PELI2: variants seen among roughly 807,000 people sequenced by gnomAD.
PELI2 encodes the protein E3 ubiquitin-protein ligase pellino homolog 2.
PELI2 carries 23 observed loss-of-function variants against 42.3 expected under a neutral mutation model. The observed-to-expected ratio is 0.54, with a 90% confidence interval of 0.39 to 0.77. The LOEUF is 0.77. PELI2 is among the 30% of genes least tolerant of loss of function. The pLI, the probability that PELI2 is intolerant of heterozygous loss-of-function variation, is 0.00. For missense variants in PELI2, 463 were observed against 553.2 expected, an observed-to-expected ratio of 0.84 and a Z score of 1.64; for synonymous variants, 245 against 212.2, an observed-to-expected ratio of 1.15 and a Z score of -1.34.
At chr14:56,226,855 A>G (rs1315397479) in intron 2 of PELI2, among the ~76,000 whole-genome samples, 1 of 152,230 alleles carries the variant, frequency 6.6e-6, no homozygotes, top group African/African-American at 2.4e-5. Flanking sequence ...AGCACTTTAA[A>G]AACTCATGTT....
rs966090074 is a variant in PELI2 at position 56,251,350 on chromosome 14, A to G, written c.208-28326A>G. ...GTAGCACTTTGAACTTAAAAAGCCA[A>G]GCTTATTTTCTTATTTTATTTTATC... On this transcript the variant is annotated intron_variant, in intron 2 of 5. Transcript: ENST00000267460. Among the ~76,000 whole-genome samples the G allele has an allele frequency of 5.3e-5, 8 of 152,174 alleles. No individual in the cohort carries two copies. In the East Asian group the frequency reaches 9.6e-4, roughly 18 times the overall value.
At position 56,264,386 on chromosome 14, in the gene PELI2, C is replaced by T. The variant is rs532846911; in HGVS notation, c.208-15290C>T. On this transcript the variant is annotated intron_variant, in intron 2 of 5. Coordinates refer to ENST00000267460, the MANE Select transcript of PELI2 (RefSeq NM_021255.3). ...TGTTCAGTTAATGTGCTCTTGACTGCGAGTTCAGTGTTAATGAATTAACAA... is the reference window on the plus strand; with the variant it reads ...TGTTCAGTTAATGTGCTCTTGACTGTGAGTTCAGTGTTAATGAATTAACAA... Among the ~76,000 whole-genome samples the T allele has an allele frequency of 7.9e-5, 12 of 152,120 alleles. No individual in the cohort carries two copies. The South Asian group carries it at 1.0e-3, about 13-fold the overall frequency.
chr14:56,227,554 G>A (rs1438679074), intron 2 of PELI2, among the ~76,000 whole-genome samples: 1 of 152,222 alleles, frequency 6.6e-6, no homozygotes, highest in Admixed American at 6.5e-5. Context: ...TTCAGTACGT[G>A]CAGACATAGA....
At chr14:56,227,197 C>T (rs904723953) in intron 2 of PELI2, among the ~76,000 whole-genome samples, 2 of 152,096 alleles carry the variant, frequency 1.3e-5, no homozygotes, top group African/African-American at 2.4e-5. Flanking sequence ...GTGTGGGGAG[C>T]GGGGCACTGG....
At chr14:56,205,159 C>T (rs1456445818) in intron 2 of PELI2, among the ~76,000 whole-genome samples, 1 of 152,022 alleles carries the variant, frequency 6.6e-6, no homozygotes, top group East Asian at 1.9e-4. Flanking sequence ...TCATGGGGAC[C>T]CTGTGGGGTG....
chr14:56,297,366 T>G lies in PELI2; in HGVS notation c.*200T>G, dbSNP rs945620156. The G allele has an allele frequency of 3.8e-6, 2 of 529,192 alleles. No individual in the cohort carries two copies. Among genetic ancestry groups the G allele is most frequent in the South Asian group, 6.6e-5 (2 of 30,202 alleles). The allele number at this position is 529,192 out of a possible 1,614,324, so 32.8% of individuals were successfully genotyped here. A position where few individuals can be genotyped will look rare whatever the true frequency, so the allele number is the denominator to read the frequency against. On this transcript the variant is annotated 3_prime_UTR_variant, in exon 6 of 6. Transcript: ENST00000267460. The stretch of plus-strand genomic sequence containing the variant: ...GTGTTGCATGCTCAAAACAGCAGCG[T>G]CGTCATTGAAGTCTGCTTGATTAAA...
intron 2 of PELI2, among the ~76,000 whole-genome samples, chr14:56,194,619 A>G (rs2139694353): frequency 6.6e-6 from 1 of 152,294 alleles, no homozygotes; most frequent in South Asian, 2.1e-4. Flanking sequence ...GGTAATGTGG[A>G]ACCCTCTCTC....
chr14:56,255,716 G>A lies in PELI2; in HGVS notation c.208-23960G>A, dbSNP rs551921805. On this transcript the variant is annotated intron_variant, in intron 2 of 5. Transcript: ENST00000267460. ...ATGGAGGAGATAGTGTTTGATGTAC[G>A]TAGGGCCCACAGATTGGTGTGATCA... 1.1e-4 allele frequency among the ~76,000 whole-genome samples: 17 copies of A among 152,284 alleles called. No homozygotes were observed. In the South Asian group the frequency reaches 1.5e-3, roughly 13 times the overall value.
chr14:56,177,449 A>AT lies in PELI2; in HGVS notation c.78-878dup, dbSNP rs984771197. ...TAAATGTTCCTTGTTTTAGTTTTTT[A>AT]TTTTTTTTCTTGAAAAGAACTTCCG... On this transcript the variant is annotated intron_variant, in intron 1 of 5. Coordinates refer to ENST00000267460, the MANE Select transcript of PELI2 (RefSeq NM_021255.3). Among the ~76,000 whole-genome samples, 5 of 151,968 alleles carry AT rather than the reference A, an allele frequency of 3.3e-5. No individual in the cohort carries two copies. In the South Asian group the frequency reaches 6.2e-4, roughly 19 times the overall value.
chr14:56,159,150 TG>T (rs771491313), intron 1 of PELI2, among the ~76,000 whole-genome samples: 27 of 152,246 alleles, frequency 1.8e-4, no homozygotes, highest in Non-Finnish European at 3.8e-4. Context: ...TGCCATATGA[TG>T]CTGTGTAACA....
At chr14:56,293,408 G>A (rs1889898016) in intron 5 of PELI2, among the ~76,000 whole-genome samples, 3 of 152,210 alleles carry the variant, frequency 2.0e-5, no homozygotes. Flanking sequence ...TCACCACTTA[G>A]TTCTGTGGTA....
At chr14:56,210,429 TG>T (rs1299421778) in intron 2 of PELI2, among the ~76,000 whole-genome samples, 1 of 152,086 alleles carries the variant, frequency 6.6e-6, no homozygotes, top group Admixed American at 6.5e-5. Flanking sequence ...AGAATGATTT[TG>T]GTTTTTTTTT....
At chr14:56,272,941 A>T (rs1455825961) in intron 2 of PELI2, among the ~76,000 whole-genome samples, 1 of 152,204 alleles carries the variant, frequency 6.6e-6, no homozygotes, top group African/African-American at 2.4e-5. Flanking sequence ...AAGATTTTTT[A>T]AAAAGTGCTC....
chr14:56,233,209 C>T (rs866601346), intron 2 of PELI2, among the ~76,000 whole-genome samples: 2 of 152,286 alleles, frequency 1.3e-5, no homozygotes, highest in South Asian at 2.1e-4. Flanking sequence ...ATGCCATCCC[C>T]ATCAAGCTAG....
intron 1 of PELI2, among the ~76,000 whole-genome samples, chr14:56,126,231 G>GA (rs1307528982): frequency 6.6e-6 from 1 of 152,202 alleles, no homozygotes; most frequent in Non-Finnish European, 1.5e-5. Context: ...CAGTGGCGTT[G>GA]AAAGGCTGTG....
chr14:56,188,437 C>T (rs923801496), intron 2 of PELI2, among the ~76,000 whole-genome samples: 37 of 152,154 alleles, frequency 2.4e-4, no homozygotes, highest in Non-Finnish European at 1.2e-4. Flanking sequence ...ATATTGCTTT[C>T]TATCCTTTTT....
At chr14:56,228,607 G>A (rs889026145) in intron 2 of PELI2, among the ~76,000 whole-genome samples, 14 of 152,138 alleles carry the variant, frequency 9.2e-5, no homozygotes, top group South Asian at 4.1e-4. Flanking sequence ...CTTAATTTGC[G>A]TTAAGATTTA....
At chr14:56,138,904 C>G (rs930056545) in intron 1 of PELI2, among the ~76,000 whole-genome samples, 2 of 152,146 alleles carry the variant, frequency 1.3e-5, no homozygotes, top group Admixed American at 1.3e-4. Flanking sequence ...TTCTCAGGTG[C>G]CTTTTCACAG....
chr14:56,138,057 C>T (rs1249502671), intron 1 of PELI2, among the ~76,000 whole-genome samples: 5 of 152,158 alleles, frequency 3.3e-5, no homozygotes, highest in African/African-American at 9.7e-5. Flanking sequence ...CGATACTCCG[C>T]GATGTGGGTC....
Sources: allele counts gnomAD v4.1 joint callset (sites outside exome capture counted in the v4.1 genomes callset), GRCh38; gene constraint gnomAD v4.1.1; transcripts MANE v1.5; gene names NCBI Gene and HGNC (gene_info 2026-07-23, HGNC 2026-07-21).